ACYP2: variants seen among roughly 807,000 people sequenced by gnomAD.
ACYP2 encodes acylphosphatase 2.
A neutral mutation model predicts 11.2 loss-of-function variants in ACYP2; 12 were observed. The observed-to-expected ratio is 1.08, with a 90% confidence interval of 0.69 to 1.74. ACYP2 has a LOEUF of 1.74. Among genes scored for constraint, ACYP2 ranks in the 40% most tolerant of loss-of-function variants. The pLI, the probability that ACYP2 is intolerant of heterozygous loss-of-function variation, is 0.00. For missense variants in ACYP2, 134 were observed against 101.9 expected (o/e 1.31, Z -1.35); for synonymous variants, 43 against 32.2 (o/e 1.33, Z -1.13).
chr2:54,304,380 A>G (rs1200750798), intron 6 of ACYP2, among the ~76,000 whole-genome samples: 2 of 152,152 alleles, frequency 1.3e-5, no homozygotes, highest in African/African-American at 2.4e-5. Flanking sequence ...CGTTTTGAGT[A>G]TAAGAGCCAG....
At chr2:54,253,242 A>G (rs2104014787) in intron 6 of ACYP2, 1 of 152,378 alleles carries the variant, frequency 6.6e-6, no homozygotes, top group Non-Finnish European at 1.5e-5. Flanking sequence ...CGCATCAGAT[A>G]AGACCAAGTT....
chr2:54,129,105 A>G (rs1299999925), intron 4 of ACYP2, among the ~76,000 whole-genome samples: 1 of 152,194 alleles, frequency 6.6e-6, no homozygotes, highest in Non-Finnish European at 1.5e-5. Context: ...AAAGACAATA[A>G]CAAGGTAATA....
intron 6 of ACYP2, among the ~76,000 whole-genome samples, chr2:54,237,452 C>T (rs967854714): frequency 2.0e-5 from 3 of 152,144 alleles, no homozygotes; most frequent in Non-Finnish European, 4.4e-5. Flanking sequence ...TTAGGTTAGA[C>T]TATCGATACA....
chr2:54,009,986 A>T (rs1369137617), intron 2 of ACYP2, among the ~76,000 whole-genome samples: 1 of 152,092 alleles, frequency 6.6e-6, no homozygotes. Flanking sequence ...TGCAGCTTTA[A>T]CCTCAGTCCT....
intron 6 of ACYP2, among the ~76,000 whole-genome samples, chr2:54,261,593 T>A (rs2104045307): frequency 6.6e-6 from 1 of 152,338 alleles, no homozygotes; most frequent in Non-Finnish European, 1.5e-5. Context: ...GTGAATTGTA[T>A]AGTCTTGTTT....
rs373117789 is a variant in ACYP2, at chr2:53,971,148, C to T, written c.-210C>T. On this transcript the variant is annotated 5_prime_UTR_variant, in exon 1 of 7. Coordinates refer to ENST00000607452, the MANE Select transcript of ACYP2 (RefSeq NM_001320586.2). ...GCTGGAGCCCAACGGGCTGCGCCTT[C>T]TTCGCCGTGGGCCCGGCTCGGAGCC... 1.0e-3 allele frequency: 194 copies of T among 194,438 alleles called. 1 individual carries two copies. Among genetic ancestry groups the T allele is most frequent in the African/African-American group, 4.1e-3 (177 of 42,940 alleles). The allele number at this position is 194,438 out of a possible 1,614,324, so 12.0% of individuals were successfully genotyped here.
chr2:53,974,595 T>C (rs1008299329), intron 2 of ACYP2, among the ~76,000 whole-genome samples: 4 of 152,352 alleles, frequency 2.6e-5, no homozygotes, highest in African/African-American at 9.6e-5. Flanking sequence ...GAATTTACTA[T>C]TATCTATCTG....
chr2:54,174,807 G>GTAAACCA, intron 6 of ACYP2, among the ~76,000 whole-genome samples: 1 of 152,198 alleles, frequency 6.6e-6, no homozygotes, highest in Admixed American at 6.5e-5. Flanking sequence ...CTTTGGTTCT[G>GTAAACCA]TTTATGTGAT....
chr2:54,064,824 G>T (rs918239046), intron 4 of ACYP2, among the ~76,000 whole-genome samples: 1 of 152,160 alleles, frequency 6.6e-6, no homozygotes, highest in South Asian at 2.1e-4. Flanking sequence ...GGTGGCTCAC[G>T]CCTGTAATCC....
At chr2:54,018,769 A>G (rs1673831823) in intron 2 of ACYP2, among the ~76,000 whole-genome samples, 1 of 152,244 alleles carries the variant, frequency 6.6e-6, no homozygotes, top group Admixed American at 6.5e-5. Context: ...CCTTTTTTAG[A>G]CAGAGTCTTA....
intron 6 of ACYP2, among the ~76,000 whole-genome samples, chr2:54,201,604 CTTTCTTTCTTTCTTTCTTTG>C (rs1403463230): frequency 2.4e-5 from 2 of 83,978 alleles, no homozygotes; most frequent in East Asian, 6.4e-4. Context: ...CTCTTTCTTT[CTTTCTTTCTTTCTTTCTTTG>C]TTTCTTTCTT....
chr2:54,210,225 T>C (rs1334667578), intron 6 of ACYP2, among the ~76,000 whole-genome samples: 2 of 151,376 alleles, frequency 1.3e-5, no homozygotes, highest in Non-Finnish European at 2.9e-5. Flanking sequence ...ATAAAACTAA[T>C]GTATATCATA....
At chr2:54,095,606 G>C (rs1293896048) in intron 4 of ACYP2, among the ~76,000 whole-genome samples, 13 of 144,264 alleles carry the variant, frequency 9.0e-5, no homozygotes, top group African/African-American at 3.2e-4. Context: ...CTGGCCGAGT[G>C]GGGGGCTGAC....
At chr2:54,282,614 C>T (rs977544575) in intron 6 of ACYP2, among the ~76,000 whole-genome samples, 9 of 152,118 alleles carry the variant, frequency 5.9e-5, no homozygotes, top group Non-Finnish European at 1.0e-4. Flanking sequence ...CTATTGCTTG[C>T]TCTTACATGG....
chr2:54,197,923 TTTTA>T lies in ACYP2; in HGVS notation c.404+59181_404+59184del, dbSNP rs1355126556. 1.1e-3 allele frequency among the ~76,000 whole-genome samples: 146 copies of T among 131,198 alleles called. 1 individual carries two copies. Among genetic ancestry groups the T allele is most frequent in the Admixed American group, 1.5e-3 (20 of 13,686 alleles). The allele number at this position is 131,198 out of a possible 152,430, so 86.1% of individuals were successfully genotyped here. A position where few individuals can be genotyped will look rare whatever the true frequency, so the allele number is the denominator to read the frequency against. On this transcript the variant is annotated intron_variant, in intron 6 of 6. Coordinates refer to ENST00000607452, the MANE Select transcript of ACYP2 (RefSeq NM_001320586.2). ...TATTTTATTTTATTTTATTATTTTA[TTTTA>T]TTTATGTATGTATTATATTGTATTG...
intron 6 of ACYP2, among the ~76,000 whole-genome samples, chr2:54,224,003 G>A (rs879808752): frequency 7.9e-5 from 12 of 152,184 alleles, no homozygotes; most frequent in Non-Finnish European, 1.0e-4. Context: ...TGTGAGATGC[G>A]TTTGAAAATG....
intron 2 of ACYP2, among the ~76,000 whole-genome samples, chr2:53,989,811 A>C (rs1338490820): frequency 6.6e-6 from 1 of 152,092 alleles, no homozygotes; most frequent in East Asian, 1.9e-4. Context: ...GGCTGCCTAC[A>C]GTGGCCATTA....
At chr2:54,036,335 C>T (rs1390802113) in intron 2 of ACYP2, among the ~76,000 whole-genome samples, 1 of 152,212 alleles carries the variant, frequency 6.6e-6, no homozygotes, top group Admixed American at 6.5e-5. Flanking sequence ...CAGGTGATTT[C>T]TGCCCACCTT....
chr2:54,045,225 C>A (rs1316367944), intron 2 of ACYP2, among the ~76,000 whole-genome samples: 1 of 152,124 alleles, frequency 6.6e-6, no homozygotes, highest in Non-Finnish European at 1.5e-5. Context: ...TGATCAATGA[C>A]CCCAGTTTTC....
Sources: gnomAD v4.1 joint callset for allele counts (sites outside exome capture counted in the v4.1 genomes callset) on GRCh38, gnomAD v4.1.1 for gene constraint, MANE v1.5 for transcripts, NCBI Gene and HGNC (gene_info 2026-07-23, HGNC 2026-07-21) for gene names.